ARHGAP15: variants seen among roughly 807,000 people sequenced by gnomAD.
ARHGAP15 encodes the protein Rho GTPase activating protein 15, also known as rho GTPase-activating protein 15.
Under a neutral mutation model 63.7 loss-of-function variants are expected in ARHGAP15, and 51 were observed. The observed-to-expected ratio is 0.80, with a 90% CI of 0.64 to 1.01. ARHGAP15 has a LOEUF of 1.01. Ranked by LOEUF, ARHGAP15 falls within the 50% of genes least tolerant of loss-of-function variation. The pLI is 0.00. For synonymous variants in ARHGAP15, 191 were observed against 193.8 expected, an observed-to-expected ratio of 0.99 and a Z score of 0.12; for missense variants, 560 against 564.6, an observed-to-expected ratio of 0.99 and a Z score of 0.08.
intron 6 of ARHGAP15, among the ~76,000 whole-genome samples, chr2:143,433,672 T>C (rs1367995974): frequency 3.3e-5 from 5 of 152,146 alleles, no homozygotes; most frequent in African/African-American, 9.7e-5. Context: ...AGCTGAACTA[T>C]GTTGGCTCTT....
At chr2:143,455,862 G>T (rs1690625114) in intron 8 of ARHGAP15, among the ~76,000 whole-genome samples, 1 of 151,942 alleles carries the variant, frequency 6.6e-6, no homozygotes, top group African/African-American at 2.4e-5. Flanking sequence ...CTTGAGTCCT[G>T]GTGTCTTTTT....
chr2:143,572,867 A>G (rs2105124770), intron 11 of ARHGAP15, among the ~76,000 whole-genome samples: 1 of 152,306 alleles, frequency 6.6e-6, no homozygotes, highest in African/African-American at 2.4e-5. Flanking sequence ...ACCAAAACAC[A>G]AAGAGCCATA....
intron 12 of ARHGAP15, among the ~76,000 whole-genome samples, chr2:143,644,042 AC>A (rs1275872371): frequency 6.6e-6 from 1 of 152,110 alleles, no homozygotes; most frequent in Admixed American, 6.6e-5. Context: ...CATGGCTGAC[AC>A]CTCTATAACA....
chr2:143,481,953 A>C (rs1692096865), intron 8 of ARHGAP15, among the ~76,000 whole-genome samples: 1 of 152,206 alleles, frequency 6.6e-6, no homozygotes, highest in Non-Finnish European at 1.5e-5. Flanking sequence ...CTGTGTGTTG[A>C]GATTTGAATT....
intron 6 of ARHGAP15, among the ~76,000 whole-genome samples, chr2:143,335,440 G>C (rs1197664947): frequency 1.3e-5 from 2 of 149,578 alleles, no homozygotes; most frequent in Admixed American, 6.7e-5. Flanking sequence ...CAGCTAAAGG[G>C]TGTCTGTGGG....
rs143620133 is a variant in ARHGAP15 at position 143,705,464 on chromosome 2, T to C, written c.1244+1940T>C. On this transcript the variant is annotated intron_variant, in intron 13 of 13. Transcript: ENST00000295095. ...CGGATTAAATACTATCAACCATATCTTGTGGTTATGAGAATTAAATGAGAT... is the reference window on the plus strand; with the variant it reads ...CGGATTAAATACTATCAACCATATCCTGTGGTTATGAGAATTAAATGAGAT... Among the ~76,000 whole-genome samples, 97 of 152,288 alleles carry C rather than the reference T, an allele frequency of 6.4e-4. 1 individual carries two copies. The highest frequency in any genetic ancestry group is 1.2e-3 in the African/African-American group (49 of 41,578).
chr2:143,655,228 C>A (rs1401578118), intron 12 of ARHGAP15, among the ~76,000 whole-genome samples: 1 of 152,138 alleles, frequency 6.6e-6, no homozygotes, highest in Non-Finnish European at 1.5e-5. Flanking sequence ...GCAGTATACA[C>A]TGCACCATAT....
intron 4 of ARHGAP15, among the ~76,000 whole-genome samples, chr2:143,218,785 A>G (rs749445689): frequency 6.6e-6 from 1 of 152,152 alleles, no homozygotes; most frequent in Non-Finnish European, 1.5e-5. Flanking sequence ...GATATAGCCT[A>G]TTGCTCCTAG....
At chr2:143,684,368 T>G (rs1380067844) in intron 12 of ARHGAP15, among the ~76,000 whole-genome samples, 2 of 152,186 alleles carry the variant, frequency 1.3e-5, no homozygotes, top group East Asian at 1.9e-4. Context: ...GTGTTTCTGC[T>G]TTTTTGGGGT....
Position 143,471,088 on chromosome 2 carries a change from A to G in ARHGAP15, c.704-16285A>G, listed in dbSNP as rs115354759. Among the ~76,000 whole-genome samples, 1,343 of 149,756 alleles carry G rather than the reference A, an allele frequency of 9.0e-3. 28 individuals are homozygous for G. The highest frequency in any genetic ancestry group is 0.032 in the African/African-American group (1,294 of 40,796). On this transcript the variant is annotated intron_variant, in intron 8 of 13. Transcript: ENST00000295095. ...ACATATGATACACATGTATAAATGT[A>G]TATGATACACATGTGTATATATACA... is the stretch of plus-strand genomic sequence containing the variant.
chr2:143,593,213 G>A (rs1368705460), intron 11 of ARHGAP15: 3 of 152,194 alleles, frequency 2.0e-5, no homozygotes, highest in African/African-American at 7.2e-5. Flanking sequence ...CAAATCATTT[G>A]TAGGTCAGTG....
intron 6 of ARHGAP15, among the ~76,000 whole-genome samples, chr2:143,332,532 C>T (rs1011166597): frequency 1.3e-5 from 2 of 152,034 alleles, no homozygotes; most frequent in African/African-American, 2.4e-5. Context: ...AATAAACTAT[C>T]CTAAATTATG....
At chr2:143,557,964 C>T (rs1695876629) in intron 11 of ARHGAP15, among the ~76,000 whole-genome samples, 1 of 152,008 alleles carries the variant, frequency 6.6e-6, no homozygotes, top group African/African-American at 2.4e-5. Context: ...GCCTCTGTTT[C>T]CTATCAGGAA....
intron 9 of ARHGAP15, among the ~76,000 whole-genome samples, chr2:143,489,219 A>G (rs1344494524): frequency 3.3e-5 from 5 of 152,202 alleles, no homozygotes; most frequent in Non-Finnish European, 7.4e-5. Flanking sequence ...ACAGTGCTCT[A>G]GAATTGGTCT....
At chr2:143,147,812 C>A (rs2104997702) in intron 1 of ARHGAP15, among the ~76,000 whole-genome samples, 1 of 151,842 alleles carries the variant, frequency 6.6e-6, no homozygotes, top group South Asian at 2.1e-4. Flanking sequence ...CACAGGGTGC[C>A]CTTTTCATAA....
At chr2:143,698,460 T>C (rs918373318) in intron 12 of ARHGAP15, among the ~76,000 whole-genome samples, 1 of 152,222 alleles carries the variant, frequency 6.6e-6, no homozygotes, top group Non-Finnish European at 1.5e-5. Flanking sequence ...TTAAAGGCTA[T>C]TTCACATCAC....
chr2:143,742,153 A>C (rs1223285590), intron 13 of ARHGAP15, among the ~76,000 whole-genome samples: 9 of 152,202 alleles, frequency 5.9e-5, no homozygotes, highest in Admixed American at 6.5e-5. Context: ...GACACACCAG[A>C]GGCAATAAAA....
intron 6 of ARHGAP15, among the ~76,000 whole-genome samples, chr2:143,293,030 T>G (rs1682476961): frequency 6.6e-6 from 1 of 152,068 alleles, no homozygotes; most frequent in Admixed American, 6.6e-5. Flanking sequence ...TAAATATAAA[T>G]GTAAATTTAA....
At chr2:143,664,274 C>G (rs1468205542) in intron 12 of ARHGAP15, among the ~76,000 whole-genome samples, 2 of 151,568 alleles carry the variant, frequency 1.3e-5, no homozygotes, top group Admixed American at 1.3e-4. Context: ...CACTCAAAAC[C>G]GCTCAACTAC....
Sources: gnomAD v4.1 joint callset for allele counts (sites outside exome capture counted in the v4.1 genomes callset) on GRCh38, gnomAD v4.1.1 for gene constraint, MANE v1.5 for transcripts, NCBI Gene and HGNC (gene_info 2026-07-23, HGNC 2026-07-21) for gene names.